The following PAG1 variants were observed in gnomAD, a reference collection of about 807,000 sequenced individuals.
PAG1 encodes the protein phosphoprotein membrane anchor with glycosphingolipid microdomains 1, also known as phosphoprotein associated with glycosphingolipid-enriched microdomains 1.
A neutral mutation model predicts 31.7 loss-of-function variants in PAG1; 23 were observed. The ratio of observed to expected loss-of-function variants is 0.73; its 90% CI spans 0.52 to 1.03. PAG1 has a LOEUF of 1.03. Among genes scored for constraint, PAG1 ranks in the 50% least tolerant of loss-of-function variants. The pLI is 0.00. For missense variants in PAG1, 473 were observed against 540.7 expected, an observed-to-expected ratio of 0.87 and a Z score of 1.24; for synonymous variants, 214 against 210.3, an observed-to-expected ratio of 1.02 and a Z score of -0.15.
At chr8:81,042,147 G>A (rs143258866) in intron 2 of PAG1, among the ~76,000 whole-genome samples, 203 of 152,290 alleles carry the variant, frequency 1.3e-3, no homozygotes, top group Non-Finnish European at 2.3e-3. Context: ...TAGCTCGAGA[G>A]ACAAATCCAT....
intron 1 of PAG1, among the ~76,000 whole-genome samples, chr8:81,105,873 G>A (rs1453377471): frequency 1.3e-5 from 2 of 152,140 alleles, no homozygotes; most frequent in Non-Finnish European, 2.9e-5. Context: ...TCAACACGGA[G>A]ATGGCAGATG....
chr8:81,028,527 A>G (rs956227151), intron 3 of PAG1, among the ~76,000 whole-genome samples: 13 of 152,190 alleles, frequency 8.5e-5, no homozygotes, highest in African/African-American at 2.9e-4. Context: ...TCTTGTTACT[A>G]CAGTACTTGG....
At chr8:80,985,459 G>GTTAAATCAAGATGCGTGCTTT in intron 6 of PAG1, 82 bp from the exon 7 acceptor site, 1 of 1,416,628 alleles carries the variant, frequency 7.1e-7, no homozygotes, top group South Asian at 1.4e-5. Context: ...ATAAAGTTAG[G>GTTAAATCAAGATGCGTGCTTT]TTAAATCAAG....
intron 3 of PAG1, among the ~76,000 whole-genome samples, chr8:81,024,364 G>A (rs752666577): frequency 3.9e-5 from 6 of 152,158 alleles, no homozygotes; most frequent in Non-Finnish European, 4.4e-5. Context: ...GAGGCCATCT[G>A]GAGAGCGGCT....
At chr8:80,985,485 T>G in intron 6 of PAG1, 108 bp from the exon 7 acceptor site, 1 of 1,171,136 alleles carries the variant, frequency 8.5e-7, no homozygotes, top group Non-Finnish European at 1.2e-6. Flanking sequence ...TGCTTTTTAT[T>G]TAAGTCTCAG....
intron 1 of PAG1, among the ~76,000 whole-genome samples, chr8:81,101,273 G>A (rs1809606555): frequency 6.6e-6 from 1 of 152,140 alleles, no homozygotes; most frequent in South Asian, 2.1e-4. Flanking sequence ...CGGACATACT[G>A]AGCATTCCAT....
chr8:81,014,185 A>G (rs972974821), intron 3 of PAG1, among the ~76,000 whole-genome samples: 3 of 152,212 alleles, frequency 2.0e-5, no homozygotes, highest in African/African-American at 7.2e-5. Flanking sequence ...TCAAATTTAG[A>G]ATATCAAGCC....
intron 1 of PAG1, among the ~76,000 whole-genome samples, chr8:81,096,759 A>C (rs1265190874): frequency 1.3e-5 from 2 of 152,208 alleles, no homozygotes; most frequent in Non-Finnish European, 2.9e-5. Flanking sequence ...TGCCCAGTTA[A>C]GAAAGGAAAA....
intron 3 of PAG1, among the ~76,000 whole-genome samples, chr8:81,008,928 G>A (rs1381634383): frequency 1.3e-5 from 2 of 152,104 alleles, no homozygotes; most frequent in East Asian, 1.9e-4. Flanking sequence ...ACTATTAAAT[G>A]ACATTGTTCT....
chr8:80,994,002 T>C (rs1807617936), intron 3 of PAG1, among the ~76,000 whole-genome samples: 1 of 150,828 alleles, frequency 6.6e-6, no homozygotes, highest in Admixed American at 6.6e-5. Context: ...GAACAGTATA[T>C]AACAATTCTT....
At chr8:81,034,575 C>T (rs768387352) in intron 2 of PAG1, among the ~76,000 whole-genome samples, 12 of 152,192 alleles carry the variant, frequency 7.9e-5, no homozygotes, top group South Asian at 2.1e-4. Context: ...AGGGCTTCCT[C>T]CATCCCAAGG....
At chr8:81,041,039 C>A (rs545590460) in intron 2 of PAG1, among the ~76,000 whole-genome samples, 16 of 152,308 alleles carry the variant, frequency 1.1e-4, no homozygotes, top group African/African-American at 3.6e-4. Flanking sequence ...AAAACTGAAG[C>A]AGCAGACAGC....
At position 81,077,318 on chromosome 8, in the gene PAG1, T is replaced by C. The variant is rs183066204; in HGVS notation, c.-233-7148A>G. On this transcript the variant is annotated intron_variant, in intron 1 of 8. Coordinates refer to ENST00000220597, the MANE Select transcript of PAG1 (RefSeq NM_018440.4). ...ACAGCCTAAGTGATTTGTAAGCCCT[T>C]CCACATCCTGACCTGGGATTTGTTG... Among the ~76,000 whole-genome samples the C allele has an allele frequency of 2.0e-4, 30 of 152,346 alleles. 1 individual carries two copies. Among genetic ancestry groups the C allele is most frequent in the African/African-American group, 6.7e-4 (28 of 41,588 alleles).
intron 3 of PAG1, among the ~76,000 whole-genome samples, chr8:81,024,876 T>TC (rs1410190191): frequency 6.6e-6 from 1 of 152,210 alleles, no homozygotes; most frequent in Non-Finnish European, 1.5e-5. Flanking sequence ...CCTTACATTC[T>TC]CTGTGCCTCA....
chr8:81,100,553 C>T (rs1001886464), intron 1 of PAG1, among the ~76,000 whole-genome samples: 1 of 152,212 alleles, frequency 6.6e-6, no homozygotes. Context: ...CCAAAAATGT[C>T]TTCAGACATT....
At chr8:81,092,373 G>A (rs1012523217) in intron 1 of PAG1, among the ~76,000 whole-genome samples, 4 of 152,128 alleles carry the variant, frequency 2.6e-5, no homozygotes, top group East Asian at 1.9e-4. Flanking sequence ...GACAAAGCAA[G>A]ACTCTGTCTC....
At chr8:81,062,865 A>G (rs1022880137) in intron 2 of PAG1, among the ~76,000 whole-genome samples, 1 of 152,218 alleles carries the variant, frequency 6.6e-6, no homozygotes, top group African/African-American at 2.4e-5. Context: ...CATTAGCACC[A>G]TAATTAAATT....
At chr8:81,030,179 T>C (rs1445207780) in intron 2 of PAG1, 90 bp from the exon 3 acceptor site, 1 of 152,236 alleles carries the variant, frequency 6.6e-6, no homozygotes, top group Non-Finnish European at 1.5e-5. Context: ...AAAATGCTAG[T>C]GTACTTATGC....
At chr8:81,021,800 G>C (rs891035455) in intron 3 of PAG1, among the ~76,000 whole-genome samples, 1 of 152,018 alleles carries the variant, frequency 6.6e-6, no homozygotes, top group South Asian at 2.1e-4. Flanking sequence ...TTCCAGCATG[G>C]ATTAACAAAA....
Sources: allele counts gnomAD v4.1 joint callset (sites outside exome capture counted in the v4.1 genomes callset), GRCh38; gene constraint gnomAD v4.1.1; transcripts MANE v1.5; gene names NCBI Gene and HGNC (gene_info 2026-07-23, HGNC 2026-07-21).